XKR9: variants seen among roughly 807,000 people sequenced by gnomAD.
The protein encoded by XKR9 is XK-related protein 9.
XKR9 carries 32 observed loss-of-function variants against 32.0 expected under a neutral mutation model. The ratio of observed to expected loss-of-function variants is 1.00; its 90% CI spans 0.76 to 1.34. XKR9 has a LOEUF of 1.34. Ranked by LOEUF, XKR9 falls within the 40% of genes most tolerant of loss-of-function variation. The pLI, the probability that XKR9 is intolerant of heterozygous loss-of-function variation, is 0.00. For missense variants in XKR9, 546 were observed against 429.7 expected (o/e 1.27, Z -2.39); for synonymous variants, 168 against 143.4 (o/e 1.17, Z -1.22).
the XKR9 span, among the ~76,000 whole-genome samples, chr8:70,975,364 C>T: frequency 2.0e-4 from 30 of 152,070 alleles, no homozygotes; most frequent in African/African-American, 7.0e-4. Flanking sequence ...CTAGGGTTTT[C>T]ATGGTTTTAG....
the XKR9 span, among the ~76,000 whole-genome samples, chr8:70,826,397 G>A: frequency 3.9e-5 from 6 of 152,188 alleles, no homozygotes; most frequent in East Asian, 1.2e-3. Flanking sequence ...TTATTCTTAA[G>A]CATCCTTCAT....
chr8:70,787,234 G>A lies in XKR9; in HGVS notation n.353-2105G>A, dbSNP rs114558107. Among the ~76,000 whole-genome samples the A allele has an allele frequency of 1.6e-3, 240 of 152,126 alleles. 1 individual carries two copies. The highest frequency in any genetic ancestry group is 5.6e-3 in the African/African-American group (232 of 41,512). On this transcript the variant is annotated intron_variant and non_coding_transcript_variant, in intron 2 of 3. Coordinates refer to the XKR9 transcript ENST00000520273. ...CTGCTGCTTGTTTACATACAGACAAGAATTTTTTTAAAGAAGTAAGAATAA... is the reference window on the plus strand; with the variant it reads ...CTGCTGCTTGTTTACATACAGACAAAAATTTTTTTAAAGAAGTAAGAATAA...
the XKR9 span, among the ~76,000 whole-genome samples, chr8:70,826,314 C>T: frequency 1.3e-5 from 2 of 152,040 alleles, no homozygotes; most frequent in Non-Finnish European, 2.9e-5. Flanking sequence ...TTGTTAGAGG[C>T]CTATTTACCT....
chr8:70,981,899 T>C, the XKR9 span, among the ~76,000 whole-genome samples: 1 of 152,206 alleles, frequency 6.6e-6, no homozygotes, highest in Non-Finnish European at 1.5e-5. Flanking sequence ...ACTGTAGTGA[T>C]TGCTTTTGGT....
At chr8:70,880,730 C>A in the XKR9 span, among the ~76,000 whole-genome samples, 20 of 152,176 alleles carry the variant, frequency 1.3e-4, no homozygotes, top group African/African-American at 4.6e-4. Flanking sequence ...CCATCCCCAT[C>A]AAGCTACCAA....
chr8:70,708,163 G>A (rs1805785362), intron 4 of XKR9, among the ~76,000 whole-genome samples: 1 of 151,968 alleles, frequency 6.6e-6, no homozygotes, highest in Non-Finnish European at 1.5e-5. Flanking sequence ...TTGTGTATGA[G>A]ATCTCTTTTT....
the XKR9 span, among the ~76,000 whole-genome samples, chr8:70,919,624 G>C: frequency 6.6e-6 from 1 of 152,106 alleles, no homozygotes; most frequent in Non-Finnish European, 1.5e-5. Flanking sequence ...AATTTCTCTA[G>C]AAGTCTTTTC....
chr8:70,874,860 C>T, the XKR9 span, among the ~76,000 whole-genome samples: 1 of 152,102 alleles, frequency 6.6e-6, no homozygotes, highest in African/African-American at 2.4e-5. Context: ...CCTGTTTTCC[C>T]AGCAATTGAA....
At chr8:70,729,414 A>G (rs1183492989) in intron 4 of XKR9, among the ~76,000 whole-genome samples, 1 of 152,082 alleles carries the variant, frequency 6.6e-6, no homozygotes, top group Non-Finnish European at 1.5e-5. Flanking sequence ...TAGTTTTCTG[A>G]TAGTTCAGTT....
the XKR9 span, among the ~76,000 whole-genome samples, chr8:70,842,446 G>A: frequency 5.9e-5 from 9 of 151,898 alleles, no homozygotes; most frequent in South Asian, 2.1e-4. Flanking sequence ...TCTGGGTGCC[G>A]GATGTTATTT....
At chr8:70,671,579 C>T (rs1306183548) in intron 1 of XKR9, among the ~76,000 whole-genome samples, 5 of 83,408 alleles carry the variant, frequency 6.0e-5, no homozygotes, top group African/African-American at 1.5e-4. Flanking sequence ...TGAGAATATG[C>T]GGTGTTTGGT....
chr8:70,710,138 A>T (rs56173818), intron 4 of XKR9, among the ~76,000 whole-genome samples: 2 of 151,940 alleles, frequency 1.3e-5, no homozygotes, highest in Non-Finnish European at 2.9e-5. Flanking sequence ...ATAAAGCCTC[A>T]TACCTACAAC....
intron 2 of XKR9, among the ~76,000 whole-genome samples, chr8:70,755,466 T>G (rs1807208077): frequency 1.3e-5 from 2 of 152,154 alleles, no homozygotes; most frequent in Admixed American, 6.5e-5. Context: ...ACACGTATGT[T>G]TATTGTGGCA....
chr8:71,036,515 T>C, the XKR9 span, among the ~76,000 whole-genome samples: 26 of 152,072 alleles, frequency 1.7e-4, no homozygotes, highest in Non-Finnish European at 8.8e-5. Flanking sequence ...TCAAAAACAT[T>C]GGGATTTGGG....
chr8:70,813,496 G>A, the XKR9 span, among the ~76,000 whole-genome samples: 1 of 152,122 alleles, frequency 6.6e-6, no homozygotes. Context: ...CCATCAGAGT[G>A]AACAGGCAAC....
At chr8:71,004,446 G>T in the XKR9 span, among the ~76,000 whole-genome samples, 6 of 152,302 alleles carry the variant, frequency 3.9e-5, no homozygotes, top group East Asian at 1.2e-3. Flanking sequence ...GACTAAAATG[G>T]AAAGACAAAC....
At chr8:70,841,006 T>A in the XKR9 span, among the ~76,000 whole-genome samples, 13 of 152,320 alleles carry the variant, frequency 8.5e-5, no homozygotes, top group Non-Finnish European at 1.0e-4. Context: ...AAAATAGGTA[T>A]ATCATTATGT....
chr8:70,758,007 T>A (rs1332737419), intron 2 of XKR9, among the ~76,000 whole-genome samples: 1 of 152,226 alleles, frequency 6.6e-6, no homozygotes, highest in Non-Finnish European at 1.5e-5. Flanking sequence ...TGTATCCTAC[T>A]TTCCTGTTTC....
At chr8:70,888,964 G>T in the XKR9 span, among the ~76,000 whole-genome samples, 4 of 151,750 alleles carry the variant, frequency 2.6e-5, no homozygotes, top group East Asian at 7.7e-4. Flanking sequence ...TTAAATTTTA[G>T]AATTTTTTCA....
Sources: allele counts gnomAD v4.1 joint callset (sites outside exome capture counted in the v4.1 genomes callset), GRCh38; gene constraint gnomAD v4.1.1; transcripts MANE v1.5; gene names NCBI Gene and HGNC (gene_info 2026-07-23, HGNC 2026-07-21).